The following CALCR variants were observed in gnomAD, a reference collection of about 807,000 sequenced individuals.
CALCR encodes calcitonin receptor.
Under a neutral mutation model 59.5 loss-of-function variants are expected in CALCR, and 47 were observed. The ratio of observed to expected loss-of-function variants is 0.79; its 90% CI spans 0.63 to 1.01. CALCR has a LOEUF of 1.01. Among genes scored for constraint, CALCR ranks in the 50% least tolerant of loss-of-function variants. The probability of loss-of-function intolerance (pLI) is 0.00; values close to 1 mark genes in which losing one functional copy is unlikely to be tolerated. For missense variants in CALCR, 566 were observed against 597.1 expected, an observed-to-expected ratio of 0.95 and a Z score of 0.54; for synonymous variants, 213 against 211.3, an observed-to-expected ratio of 1.01 and a Z score of -0.07.
chr7:93,485,928 A>C (rs533668639), intron 3 of CALCR, among the ~76,000 whole-genome samples: 5 of 151,700 alleles, frequency 3.3e-5, no homozygotes, highest in Non-Finnish European at 7.4e-5. Context: ...AATATTACAA[A>C]ATAAAAATTG....
At chr7:93,537,255 T>C (rs1789015833) in intron 2 of CALCR, among the ~76,000 whole-genome samples, 1 of 151,814 alleles carries the variant, frequency 6.6e-6, no homozygotes, top group African/African-American at 2.4e-5. Context: ...TAGGTTATAG[T>C]GAAATTCCCT....
chr7:93,461,136 C>T (rs955982275), intron 7 of CALCR, among the ~76,000 whole-genome samples, 189 bp from the exon 8 acceptor site: 1 of 152,098 alleles, frequency 6.6e-6, no homozygotes, highest in African/African-American at 2.4e-5. Context: ...AAACATGTTT[C>T]CAAACATAGC....
At chr7:93,563,573 A>G (rs2116273067) in intron 2 of CALCR, among the ~76,000 whole-genome samples, 1 of 152,336 alleles carries the variant, frequency 6.6e-6, no homozygotes, top group Admixed American at 6.5e-5. Flanking sequence ...GCAGAGTGGA[A>G]TACTATAAGC....
chr7:93,544,842 A>T lies in CALCR; in HGVS notation c.-27+29447T>A, dbSNP rs371668235. Among the ~76,000 whole-genome samples, 32 of 152,264 alleles carry T rather than the reference A, an allele frequency of 2.1e-4. No individual in the cohort carries two copies. The East Asian group carries it at 3.5e-3, about 17-fold the overall frequency. ...CCTCCAACTGCTCAACAGCAAAGAT[A>T]TTTATGTCACTGTGAATCTCTACAC... is the stretch of plus-strand genomic sequence containing the variant. On this transcript the variant is annotated intron_variant, in intron 2 of 13. Coordinates refer to ENST00000426151, the MANE Select transcript of CALCR (RefSeq NM_001742.4).
chr7:93,556,772 T>C (rs1431952069), intron 2 of CALCR, among the ~76,000 whole-genome samples: 2 of 152,058 alleles, frequency 1.3e-5, no homozygotes, highest in African/African-American at 4.8e-5. Context: ...AATAGGTGTA[T>C]GGCATAATAC....
At chr7:93,444,381 C>T (rs1799971393) in intron 8 of CALCR, among the ~76,000 whole-genome samples, 1 of 152,134 alleles carries the variant, frequency 6.6e-6, no homozygotes, top group African/African-American at 2.4e-5. Flanking sequence ...GAGCCACACC[C>T]TTGGAAGAGT....
chr7:93,443,880 A>G, intron 8 of CALCR, 123 bp from the exon 9 acceptor site: 1 of 756,244 alleles, frequency 1.3e-6, no homozygotes, highest in Non-Finnish European at 2.2e-6. Flanking sequence ...TTTCCCAAGC[A>G]TCTGTAAACA....
At chr7:93,465,154 G>A (rs944260010) in intron 7 of CALCR, among the ~76,000 whole-genome samples, 4 of 151,946 alleles carry the variant, frequency 2.6e-5, no homozygotes, top group African/African-American at 9.7e-5. Flanking sequence ...TGAATGGTCT[G>A]TTATGCTTTT....
chr7:93,426,895 G>GTA (rs1799542899), intron 13 of CALCR, among the ~76,000 whole-genome samples: 1 of 152,168 alleles, frequency 6.6e-6, no homozygotes, highest in African/African-American at 2.4e-5. Context: ...AGGTAATGTG[G>GTA]TATACATGTC....
Position 93,479,406 on chromosome 7 carries a change from T to C in CALCR, c.153A>G (p.Ala51=), listed in dbSNP as rs1800742628. 1 of 1,612,660 alleles carries C rather than the reference T, an allele frequency of 6.2e-7. No homozygotes were observed. The highest frequency in any genetic ancestry group is 8.5e-7 in the Non-Finnish European group (1 of 1,179,062). The change falls in exon 4 of 14, where the codon GCA becomes GCG. Residue 51 remains alanine, a synonymous_variant. Coordinates refer to ENST00000426151, the MANE Select transcript of CALCR (RefSeq NM_001742.4). ...GCATTCGGTCATAGCATTTGTACTG[T>C]GCATCCATCATCTTCTTTCGTCCTA... ...YVVGRKKMMD[A]QYKCYDRMQQ... is the part of the protein sequence containing the mutation.
chr7:93,516,262 G>A (rs944035895), intron 2 of CALCR, among the ~76,000 whole-genome samples: 2 of 151,938 alleles, frequency 1.3e-5, no homozygotes, highest in African/African-American at 4.8e-5. Context: ...AGATGGCACA[G>A]TTGGATGAAC....
intron 6 of CALCR, among the ~76,000 whole-genome samples, chr7:93,471,667 C>A (rs2115853615): frequency 6.6e-6 from 1 of 151,836 alleles, no homozygotes; most frequent in Admixed American, 6.6e-5. Context: ...CATTGACCAA[C>A]TGTAACTCCT....
chr7:93,501,344 C>T (rs1365898666), intron 2 of CALCR, among the ~76,000 whole-genome samples: 3 of 151,942 alleles, frequency 2.0e-5, no homozygotes, highest in African/African-American at 4.8e-5. Context: ...TGCCAGTTCA[C>T]GTTTAAAAAA....
At chr7:93,530,566 C>G (rs1788804844) in intron 2 of CALCR, among the ~76,000 whole-genome samples, 1 of 152,040 alleles carries the variant, frequency 6.6e-6, no homozygotes, top group Admixed American at 6.6e-5. Flanking sequence ...AGATCTTTGA[C>G]ATGCTCTTCT....
At chr7:93,427,257 A>T (rs1266680948) in intron 13 of CALCR, among the ~76,000 whole-genome samples, 2 of 152,236 alleles carry the variant, frequency 1.3e-5, no homozygotes, top group African/African-American at 4.8e-5. Flanking sequence ...AGCTCTAAAT[A>T]TGAAAACTAC....
chr7:93,527,230 T>C (rs139126864), intron 2 of CALCR, among the ~76,000 whole-genome samples: 1 of 151,898 alleles, frequency 6.6e-6, no homozygotes, highest in East Asian at 1.9e-4. Context: ...ATGTAGTATA[T>C]TTATGTTTAT....
intron 3 of CALCR, chr7:93,484,040 C>T: frequency 2.0e-6 from 1 of 506,308 alleles, no homozygotes; most frequent in Non-Finnish European, 4.2e-6. Context: ...AGTCAGCAGC[C>T]CAAACATCAT....
At chr7:93,536,464 A>G (rs1788989075) in intron 2 of CALCR, among the ~76,000 whole-genome samples, 1 of 151,874 alleles carries the variant, frequency 6.6e-6, no homozygotes, top group Non-Finnish European at 1.5e-5. Flanking sequence ...TATAAAGAGT[A>G]AAACCTCTAA....
chr7:93,434,538 T>C (rs1297426806), intron 12 of CALCR, among the ~76,000 whole-genome samples: 2 of 152,142 alleles, frequency 1.3e-5, no homozygotes, highest in Non-Finnish European at 2.9e-5. Flanking sequence ...CTAAATAATA[T>C]TTTGCTCCCT....
Sources: allele counts gnomAD v4.1 joint callset (sites outside exome capture counted in the v4.1 genomes callset), GRCh38; gene constraint gnomAD v4.1.1; transcripts MANE v1.5; gene names NCBI Gene and HGNC (gene_info 2026-07-23, HGNC 2026-07-21).